PDE1A: variants seen among roughly 807,000 people sequenced by gnomAD.
The protein encoded by PDE1A is phosphodiesterase 1A.
PDE1A carries 35 observed loss-of-function variants against 61.7 expected under a neutral mutation model. The ratio of observed to expected loss-of-function variants is 0.57; its 90% CI spans 0.43 to 0.75. The LOEUF (loss-of-function observed/expected upper bound fraction) is 0.75, where lower values mean the gene tolerates loss of function less well. PDE1A is among the 30% of genes least tolerant of loss of function. PDE1A has a pLI of 0.00. For synonymous variants in PDE1A, 232 were observed against 213.2 expected, an observed-to-expected ratio of 1.09 and a Z score of -0.77; for missense variants, 597 against 630.6, an observed-to-expected ratio of 0.95 and a Z score of 0.57.
At chr2:182,323,928 C>A (rs563305471) in intron 1 of PDE1A, among the ~76,000 whole-genome samples, 1 of 152,254 alleles carries the variant, frequency 6.6e-6, no homozygotes, top group Admixed American at 6.5e-5. Flanking sequence ...TAGGGCTGTG[C>A]AGCCTTTTCA....
chr2:182,190,762 C>A (rs949921862), intron 10 of PDE1A, among the ~76,000 whole-genome samples: 1 of 152,158 alleles, frequency 6.6e-6, no homozygotes, highest in African/African-American at 2.4e-5. Context: ...TTGAGACCAT[C>A]CTGGCCAACA....
intron 13 of PDE1A, among the ~76,000 whole-genome samples, chr2:182,157,815 A>C (rs1691178449): frequency 6.6e-6 from 1 of 152,212 alleles, no homozygotes; most frequent in South Asian, 2.1e-4. Flanking sequence ...GGAGCTACCA[A>C]ATGCCCCCAG....
At chr2:182,629,534 A>G in the PDE1A span, among the ~76,000 whole-genome samples, 2 of 152,202 alleles carry the variant, frequency 1.3e-5, no homozygotes, top group Non-Finnish European at 2.9e-5. Flanking sequence ...GCTATTACAC[A>G]GTTTATCAGC....
At chr2:182,454,627 C>T (rs1268331549) in intron 2 of PDE1A, among the ~76,000 whole-genome samples, 3 of 151,696 alleles carry the variant, frequency 2.0e-5, no homozygotes, top group Non-Finnish European at 4.4e-5. Context: ...TATCTACAAC[C>T]ATCTGATCTT....
At chr2:182,381,245 T>G (rs976900117) in intron 1 of PDE1A, among the ~76,000 whole-genome samples, 1 of 152,096 alleles carries the variant, frequency 6.6e-6, no homozygotes, top group South Asian at 2.1e-4. Context: ...ACACAGACTA[T>G]GTTATTTTTC....
At chr2:182,542,723 T>A in the PDE1A span, among the ~76,000 whole-genome samples, 1 of 152,198 alleles carries the variant, frequency 6.6e-6, no homozygotes, top group Non-Finnish European at 1.5e-5. Context: ...CGTCAACGAA[T>A]GATAAATTTT....
chr2:182,470,164 A>T (rs763620068), intron 2 of PDE1A, among the ~76,000 whole-genome samples: 1 of 151,938 alleles, frequency 6.6e-6, no homozygotes, highest in East Asian at 1.9e-4. Context: ...AAAAAGCACA[A>T]TATCTGTGAA....
chr2:182,226,044 A>T (rs1689113898), intron 6 of PDE1A, among the ~76,000 whole-genome samples: 1 of 149,786 alleles, frequency 6.7e-6, no homozygotes, highest in African/African-American at 2.5e-5. Context: ...TAGCAATTGA[A>T]GTTAAACTAG....
At chr2:182,231,116 A>C in exon 5 of PDE1A, 1 of 1,576,464 alleles carries the variant, frequency 6.3e-7, no homozygotes, top group Non-Finnish European at 8.7e-7. Flanking sequence ...ACATCGAAAG[A>C]CCATTTATCA....
chr2:182,458,756 T>C (rs1381046676), intron 2 of PDE1A, among the ~76,000 whole-genome samples: 1 of 152,016 alleles, frequency 6.6e-6, no homozygotes, highest in African/African-American at 2.4e-5. Flanking sequence ...CAAAGCAAAA[T>C]GTGGGGGAGG....
At chr2:182,679,508 C>A in the PDE1A span, among the ~76,000 whole-genome samples, 9,709 of 151,816 alleles carry the variant, frequency 0.064, 1,004 homozygotes, top group African/African-American at 0.22. Flanking sequence ...GCTCTAATTA[C>A]CCTAATTTGA....
chr2:182,193,775 A>G (rs1685906811), intron 10 of PDE1A, among the ~76,000 whole-genome samples: 1 of 152,144 alleles, frequency 6.6e-6, no homozygotes. Context: ...CCCCTGGTGT[A>G]ATCGGTGTTT....
chr2:182,432,439 TGTTGTTGTA>T lies in PDE1A; in HGVS notation c.101+89828_101+89836del, dbSNP rs1704002571. Among the ~76,000 whole-genome samples, 3 of 151,778 alleles carry T rather than the reference TGTTGTTGTA, an allele frequency of 2.0e-5. No individual in the cohort carries two copies. In the South Asian group the frequency reaches 6.2e-4, roughly 32 times the overall value. On this transcript the variant is annotated intron_variant, in intron 2 of 14. Coordinates refer to the PDE1A transcript ENST00000410103. Reference sequence around the variant, plus strand: ...TGAGCTTTGCTGTTGTTGTTGTTGTTGTTGTTGTAGTTGTTGTTGTTATTTTCCTTATAG... The same window carrying T: ...TGAGCTTTGCTGTTGTTGTTGTTGTTGTTGTTGTTGTTATTTTCCTTATAG...
chr2:182,634,011 C>G, the PDE1A span, among the ~76,000 whole-genome samples: 10 of 151,858 alleles, frequency 6.6e-5, no homozygotes, highest in African/African-American at 2.4e-4. Flanking sequence ...ATCCTTTGAA[C>G]CTAAGAGGGA....
upstream of PDE1A, among the ~76,000 whole-genome samples, chr2:182,430,834 A>T (rs529403960): frequency 2.0e-4 from 25 of 126,910 alleles, no homozygotes; most frequent in Non-Finnish European, 3.7e-4. Context: ...GGAAACCATC[A>T]TTCTCAGTAA....
the PDE1A span, among the ~76,000 whole-genome samples, chr2:182,594,895 C>T: frequency 2.0e-5 from 3 of 152,060 alleles, no homozygotes; most frequent in Non-Finnish European, 4.4e-5. Context: ...AATGGGAGGC[C>T]TGGGTGAATT....
chr2:182,433,876 T>G (rs1704079390), intron 2 of PDE1A, among the ~76,000 whole-genome samples: 1 of 152,086 alleles, frequency 6.6e-6, no homozygotes, highest in Admixed American at 6.6e-5. Context: ...GTACATACTT[T>G]TCCTTCTGTT....
At chr2:182,705,660 T>C in the PDE1A span, among the ~76,000 whole-genome samples, 1 of 152,248 alleles carries the variant, frequency 6.6e-6, no homozygotes, top group Admixed American at 6.5e-5. Context: ...GTTACAGGCA[T>C]GCGCCACCAA....
the PDE1A span, among the ~76,000 whole-genome samples, chr2:182,610,158 G>A: frequency 6.6e-6 from 1 of 152,022 alleles, no homozygotes; most frequent in Non-Finnish European, 1.5e-5. Flanking sequence ...GCCTTGCTGG[G>A]TTTCCCCACT....
Sources: gnomAD v4.1 joint callset for allele counts (sites outside exome capture counted in the v4.1 genomes callset) on GRCh38, gnomAD v4.1.1 for gene constraint, MANE v1.5 for transcripts, NCBI Gene and HGNC (gene_info 2026-07-23, HGNC 2026-07-21) for gene names.